HYDIN: variants seen among roughly 807,000 people sequenced by gnomAD.
HYDIN encodes HYDIN axonemal central pair apparatus protein, also known as axonemal central pair apparatus protein HYDIN.
HYDIN carries 132 observed loss-of-function variants against 403.9 expected under a neutral mutation model. That is an observed-to-expected ratio of 0.33 (90% confidence interval 0.28 to 0.38). The LOEUF (loss-of-function observed/expected upper bound fraction) is 0.38, where lower values mean the gene tolerates loss of function less well. Among genes scored for constraint, HYDIN ranks in the 10% least tolerant of loss-of-function variants. The pLI is 1.00. For missense variants in HYDIN, 2,827 were observed against 5,009.5 expected (o/e 0.56, Z 13.15); for synonymous variants, 1,202 against 1,891.7 (o/e 0.64, Z 9.46).
chr16:71,025,083 T>C (rs1385268826), intron 21 of HYDIN, among the ~76,000 whole-genome samples: 1 of 152,342 alleles, frequency 6.6e-6, no homozygotes, highest in Non-Finnish European at 1.5e-5. Context: ...GGGTTTATTT[T>C]ACCTGATTAA....
At position 70,984,821 on chromosome 16, in the gene HYDIN, T is replaced by C. The variant is rs202137716; in HGVS notation, c.4332+364A>G. Among the ~76,000 whole-genome samples, 264 of 151,224 alleles carry C rather than the reference T, an allele frequency of 1.7e-3. 7 individuals are homozygous for C. In the East Asian group the frequency reaches 0.035, roughly 20 times the overall value. On this transcript the variant is annotated intron_variant, in intron 28 of 85. Coordinates refer to ENST00000393567, the MANE Select transcript of HYDIN (RefSeq NM_001270974.2). Reference sequence around the variant, plus strand: ...GAAACCAGTTTGGCTCAGCGCAGTCTGCTAGTGTTTTCACACCTGCTGAAG... The same window carrying C: ...GAAACCAGTTTGGCTCAGCGCAGTCCGCTAGTGTTTTCACACCTGCTGAAG...
chr16:70,937,069 T>G (rs999663475), intron 44 of HYDIN, among the ~76,000 whole-genome samples: 1 of 152,114 alleles, frequency 6.6e-6, no homozygotes, highest in Non-Finnish European at 1.5e-5. Context: ...GAATTCCTAA[T>G]TGTTTCTGGT....
chr16:71,046,985 T>C (rs1233475160), intron 18 of HYDIN, among the ~76,000 whole-genome samples: 2 of 151,866 alleles, frequency 1.3e-5, no homozygotes, highest in Non-Finnish European at 2.9e-5. Flanking sequence ...GGAGAGAAGG[T>C]GGGATTTAAA....
chr16:71,053,912 C>G (rs563891979), intron 18 of HYDIN, among the ~76,000 whole-genome samples: 104 of 152,352 alleles, frequency 6.8e-4, no homozygotes, highest in African/African-American at 1.7e-3. Flanking sequence ...AGTGTCTGAC[C>G]TCCAGAATTA....
Position 70,938,822 on chromosome 16 carries a change from G to T in HYDIN, c.6854-67C>A, listed in dbSNP as rs534694595. 3 of 1,567,008 alleles carry T rather than the reference G, an allele frequency of 1.9e-6. No individual in the cohort carries two copies. The East Asian group carries it at 6.7e-5, about 35-fold the overall frequency. ...CTCAGTCTCGCTAGCAGCCTAAGCA[G>T]GCGGAGTAGGGTCTTAGTGTGGGGC... is the stretch of plus-strand genomic sequence containing the variant. On this transcript the variant is annotated intron_variant, in intron 43 of 85. Transcript: ENST00000393567.
chr16:71,003,041 G>C (rs185592188), intron 23 of HYDIN, among the ~76,000 whole-genome samples: 465 of 152,032 alleles, frequency 3.1e-3, no homozygotes, highest in African/African-American at 0.011. Flanking sequence ...TACTGAATAG[G>C]CCATCCCTTC....
At chr16:71,228,753 C>G (rs9673385) in intron 1 of HYDIN, among the ~76,000 whole-genome samples, 2 of 152,126 alleles carry the variant, frequency 1.3e-5, no homozygotes, top group African/African-American at 4.8e-5. Flanking sequence ...TGTGGCAATT[C>G]CCCAAGGATC....
At chr16:70,928,649 G>C (rs2077227360) in intron 45 of HYDIN, among the ~76,000 whole-genome samples, 2 of 137,614 alleles carry the variant, frequency 1.5e-5, no homozygotes, top group South Asian at 5.6e-4. Flanking sequence ...ACTAGGCTTT[G>C]TTCAATTGTA....
rs758832335 is a variant in HYDIN, at chr16:71,064,856, C to T, written c.2076-16G>A. 1 of 1,605,484 alleles carries T rather than the reference C, an allele frequency of 6.2e-7. No homozygotes were observed. On this transcript the variant is annotated splice_polypyrimidine_tract_variant and intron_variant, in intron 15 of 85. Coordinates refer to ENST00000393567, the MANE Select transcript of HYDIN (RefSeq NM_001270974.2). The stretch of plus-strand genomic sequence containing the variant: ...TACAACACACCTGCTCGGAGGAGCC[C>T]ATCACACAATTCAAAACAGAGAGCT...
intron 3 of HYDIN, 42 bp downstream of exon 3, chr16:71,184,823 C>G: frequency 6.6e-7 from 1 of 1,520,186 alleles, no homozygotes; most frequent in Non-Finnish European, 8.9e-7. Flanking sequence ...TGGTGTTGTG[C>G]CAGGGCCCAC....
chr16:71,230,593 A>G lies in HYDIN; in HGVS notation c.-55T>C. 2 of 1,535,528 alleles carry G rather than the reference A, an allele frequency of 1.3e-6. No individual in the cohort carries two copies. Among genetic ancestry groups the G allele is most frequent in the Non-Finnish European group, 1.7e-6 (2 of 1,146,744 alleles). Reference sequence around the variant, plus strand: ...GCACTCCGGGTCCCACGTTTATTCTACCTCCATTCCCCGCCAAGACCCCGC... The same window carrying G: ...GCACTCCGGGTCCCACGTTTATTCTGCCTCCATTCCCCGCCAAGACCCCGC... On this transcript the variant is annotated 5_prime_UTR_variant, in exon 1 of 86. Transcript: ENST00000393567.
chr16:70,833,202 A>G (rs907547675), intron 79 of HYDIN, 135 bp from the exon 80 acceptor site: 5 of 748,052 alleles, frequency 6.7e-6, no homozygotes, highest in Admixed American at 5.9e-5. Flanking sequence ...AGGAGGAGAA[A>G]GATCTCTGCC....
intron 42 of HYDIN, among the ~76,000 whole-genome samples, chr16:70,942,020 T>G (rs988110654): frequency 1.4e-5 from 2 of 143,766 alleles, no homozygotes; most frequent in Non-Finnish European, 3.0e-5. Context: ...TCTTTTTTTT[T>G]TTTTTTTTTT....
intron 12 of HYDIN, among the ~76,000 whole-genome samples, chr16:71,086,850 C>T (rs2144359922): frequency 6.6e-6 from 1 of 151,124 alleles, no homozygotes; most frequent in Non-Finnish European, 1.5e-5. Context: ...CCACCCTTCA[C>T]TGCTTGTCAT....
chr16:71,198,709 T>C (rs1345690535), intron 1 of HYDIN, among the ~76,000 whole-genome samples: 1 of 152,172 alleles, frequency 6.6e-6, no homozygotes, highest in Non-Finnish European at 1.5e-5. Flanking sequence ...TGATATTTCC[T>C]GAAACTTGGG....
chr16:71,227,705 T>G (rs913755366), intron 1 of HYDIN, among the ~76,000 whole-genome samples: 48 of 152,150 alleles, frequency 3.2e-4, no homozygotes, highest in South Asian at 4.1e-4. Context: ...TGGATAGGAA[T>G]AATCAATATC....
intron 23 of HYDIN, among the ~76,000 whole-genome samples, chr16:71,004,693 G>A (rs555313259): frequency 6.6e-6 from 1 of 152,112 alleles, no homozygotes; most frequent in African/African-American, 2.4e-5. Context: ...TTATGTCTGT[G>A]ACCTGGTTTA....
intron 47 of HYDIN, among the ~76,000 whole-genome samples, chr16:70,914,108 C>T (rs1403584170): frequency 6.6e-6 from 1 of 151,878 alleles, no homozygotes; most frequent in Non-Finnish European, 1.5e-5. Flanking sequence ...AGCATTTAGG[C>T]ATTTACATTC....
chr16:71,012,510 T>C (rs2080121717), intron 23 of HYDIN, among the ~76,000 whole-genome samples: 1 of 152,098 alleles, frequency 6.6e-6, no homozygotes, highest in Non-Finnish European at 1.5e-5. Context: ...GGGAAAAAAA[T>C]GTGAGCTCAA....
Sources: gnomAD v4.1 joint callset for allele counts (sites outside exome capture counted in the v4.1 genomes callset) on GRCh38, gnomAD v4.1.1 for gene constraint, MANE v1.5 for transcripts, NCBI Gene and HGNC (gene_info 2026-07-23, HGNC 2026-07-21) for gene names.